The following LRP1B variants were observed in gnomAD, a reference collection of about 807,000 sequenced individuals.
The protein encoded by LRP1B is low-density lipoprotein receptor-related protein 1B.
LRP1B carries 217 observed loss-of-function variants against 556.6 expected under a neutral mutation model. The observed-to-expected ratio is 0.39, with a 90% CI of 0.35 to 0.44. LRP1B has a LOEUF of 0.44. Ranked by LOEUF, LRP1B falls within the 20% of genes least tolerant of loss-of-function variation. LRP1B has a pLI of 1.00. For synonymous variants in LRP1B, 2,047 were observed against 1,865.8 expected (o/e 1.10, Z -2.50); for missense variants, 5,053 against 5,620.8 (o/e 0.90, Z 3.23).
chr2:141,483,825 G>A (rs1380777956), intron 2 of LRP1B, among the ~76,000 whole-genome samples: 1 of 150,902 alleles, frequency 6.6e-6, no homozygotes, highest in Non-Finnish European at 1.5e-5. Context: ...TTTTTTTCTT[G>A]TAAATTTGTT....
At chr2:141,125,114 T>C (rs956932344) in intron 7 of LRP1B, among the ~76,000 whole-genome samples, 9 of 152,096 alleles carry the variant, frequency 5.9e-5, no homozygotes, top group South Asian at 2.1e-4. Flanking sequence ...ACCAAAAATA[T>C]CTAGAGAATA....
At chr2:140,921,406 G>A (rs536308733) in intron 21 of LRP1B, among the ~76,000 whole-genome samples, 2 of 151,980 alleles carry the variant, frequency 1.3e-5, no homozygotes, top group Non-Finnish European at 2.9e-5. Flanking sequence ...TCAGGAAAAT[G>A]CCAGAAGTTA....
chr2:141,629,375 C>T (rs1688823632), intron 2 of LRP1B, among the ~76,000 whole-genome samples: 1 of 152,172 alleles, frequency 6.6e-6, no homozygotes, highest in Non-Finnish European at 1.5e-5. Context: ...CCCCCCTACA[C>T]TAAATTAGTT....
intron 41 of LRP1B, among the ~76,000 whole-genome samples, chr2:140,689,819 A>G (rs929843494): frequency 2.0e-5 from 3 of 152,196 alleles, no homozygotes; most frequent in Non-Finnish European, 4.4e-5. Flanking sequence ...AAGATTGGCT[A>G]TAACTCTCTT....
intron 2 of LRP1B, among the ~76,000 whole-genome samples, chr2:141,808,746 C>A (rs975024983): frequency 6.6e-5 from 10 of 152,068 alleles, no homozygotes; most frequent in African/African-American, 2.4e-4. Flanking sequence ...ATTCCCTTGC[C>A]TGTGTCCCAC....
At chr2:140,239,951 A>G (rs1232922148) in intron 87 of LRP1B, among the ~76,000 whole-genome samples, 1 of 150,792 alleles carries the variant, frequency 6.6e-6, no homozygotes, top group Admixed American at 6.6e-5. Context: ...AGTCATCCAT[A>G]CTTTCTGGTC....
chr2:141,014,479 A>G (rs1320962611), intron 13 of LRP1B, among the ~76,000 whole-genome samples: 1 of 152,104 alleles, frequency 6.6e-6, no homozygotes, highest in African/African-American at 2.4e-5. Flanking sequence ...TTATACCTCA[A>G]TAATGAGAAT....
chr2:140,505,297 C>G (rs1332261204), intron 53 of LRP1B, among the ~76,000 whole-genome samples: 1 of 152,130 alleles, frequency 6.6e-6, no homozygotes, highest in Non-Finnish European at 1.5e-5. Context: ...AGCTAGTAAA[C>G]AGAAGATCCA....
At chr2:141,242,973 T>C (rs951472509) in intron 5 of LRP1B, among the ~76,000 whole-genome samples, 3 of 152,120 alleles carry the variant, frequency 2.0e-5, no homozygotes, top group Non-Finnish European at 4.4e-5. Context: ...TATTTTTATA[T>C]CAAATTCAAT....
chr2:142,109,061 T>C (rs1047814583), intron 1 of LRP1B, among the ~76,000 whole-genome samples: 3 of 152,204 alleles, frequency 2.0e-5, no homozygotes, highest in Non-Finnish European at 2.9e-5. Context: ...GGAATTATGC[T>C]TATCCAAGAA....
rs116365479 is a variant in LRP1B, at chr2:141,200,860, T to C, written c.851-12277A>G. ...GCCCATAGTAAGTGTTCCGTGAATA[T>C]TTAGAAATACATACTTGTATTTTTG... On this transcript the variant is annotated intron_variant, in intron 6 of 90. Coordinates refer to ENST00000389484, the MANE Select transcript of LRP1B (RefSeq NM_018557.3). Among the ~76,000 whole-genome samples, 1,038 of 152,278 alleles carry C rather than the reference T, an allele frequency of 6.8e-3. 9 individuals are homozygous for C. Among genetic ancestry groups the C allele is most frequent in the African/African-American group, 0.023 (937 of 41,548 alleles).
chr2:141,379,551 A>G (rs1203658785), intron 3 of LRP1B, among the ~76,000 whole-genome samples: 1 of 152,198 alleles, frequency 6.6e-6, no homozygotes, highest in Non-Finnish European at 1.5e-5. Flanking sequence ...TGAAACAGGC[A>G]GGAAAAGCTG....
At chr2:141,920,309 T>G (rs1700152406) in intron 1 of LRP1B, among the ~76,000 whole-genome samples, 1 of 151,640 alleles carries the variant, frequency 6.6e-6, no homozygotes, top group Admixed American at 6.6e-5. Flanking sequence ...AATCATTTAT[T>G]TCAAACTTTA....
chr2:141,189,482 A>T (rs1681403630), intron 6 of LRP1B, among the ~76,000 whole-genome samples: 1 of 152,042 alleles, frequency 6.6e-6, no homozygotes, highest in South Asian at 2.1e-4. Flanking sequence ...CAAGTTAGGA[A>T]GGGTCTCTTC....
intron 3 of LRP1B, among the ~76,000 whole-genome samples, chr2:141,305,724 T>C (rs1001459186): frequency 6.6e-6 from 1 of 152,180 alleles, no homozygotes; most frequent in African/African-American, 2.4e-5. Context: ...TAGCTCTGGG[T>C]TTGTTATACA....
At chr2:141,293,625 CTT>C (rs376533625) in intron 3 of LRP1B, among the ~76,000 whole-genome samples, 13 of 137,288 alleles carry the variant, frequency 9.5e-5, no homozygotes, top group Admixed American at 1.5e-4. Flanking sequence ...TCACTACATT[CTT>C]TTTTTTTTTT....
chr2:140,974,782 C>T (rs976054721), intron 18 of LRP1B, among the ~76,000 whole-genome samples: 1 of 152,172 alleles, frequency 6.6e-6, no homozygotes, highest in Non-Finnish European at 1.5e-5. Context: ...ATATTTGGAA[C>T]CATTTCATAT....
chr2:140,232,565 C>T lies in LRP1B; in HGVS notation c.*621G>A, dbSNP rs1447845540. The T allele has an allele frequency of 6.6e-6, 1 of 151,648 alleles. No homozygotes were observed. Among genetic ancestry groups the T allele is most frequent in the Non-Finnish European group, 1.5e-5 (1 of 67,558 alleles). 9.4% of individuals were successfully genotyped at this position (151,648 alleles called of 1,614,324 possible). ...TCCACTAAGTTTTGGAAAATGTAGT[C>T]ATCTGTGTTCATGCAAATTATTAAT... On this transcript the variant is annotated 3_prime_UTR_variant, in exon 91 of 91. Transcript: ENST00000389484.
At position 140,233,317 on chromosome 2, in the gene LRP1B, A is replaced by G; in HGVS notation, c.13669T>C (p.Tyr4557His). 1 of 1,585,448 alleles carries G rather than the reference A, an allele frequency of 6.3e-7. No individual in the cohort carries two copies. The highest frequency in any genetic ancestry group is 8.6e-7 in the Non-Finnish European group (1 of 1,165,980). ...AATTTTGCATATACCGGATTGGAGTAATTTGTTGGCTGAAGGAGAAAAAAA... is the reference window on the plus strand; with the variant it reads ...AATTTTGCATATACCGGATTGGAGTGATTTGTTGGCTGAAGGAGAAAAAAA... ...KGPLTAGPTNYSNPVYAKLYM... is the reference protein window; with the variant it reads ...KGPLTAGPTNHSNPVYAKLYM... The change falls in exon 91 of 91, where the codon TAC (tyrosine) becomes CAC (histidine). Residue 4557 changes from tyrosine to histidine, a missense_variant. Physicochemically the swap from Tyr to His is moderately conservative, Grantham distance 83. Coordinates refer to ENST00000389484, the MANE Select transcript of LRP1B (RefSeq NM_018557.3).
Sources: gnomAD v4.1 joint callset for allele counts (sites outside exome capture counted in the v4.1 genomes callset) on GRCh38, gnomAD v4.1.1 for gene constraint, MANE v1.5 for transcripts, NCBI Gene and HGNC (gene_info 2026-07-23, HGNC 2026-07-21) for gene names.